The following CUX1 variants were observed in gnomAD, a reference collection of about 807,000 sequenced individuals.
CUX1 encodes the protein cut like homeobox 1, also known as protein CASP.
CUX1 carries 31 observed loss-of-function variants against 158.8 expected under a neutral mutation model. The ratio of observed to expected loss-of-function variants is 0.20; its 90% CI spans 0.15 to 0.26. The LOEUF (loss-of-function observed/expected upper bound fraction) is 0.26, where lower values mean the gene tolerates loss of function less well. Ranked by LOEUF, CUX1 falls within the 10% of genes least tolerant of loss-of-function variation. The probability of loss-of-function intolerance (pLI) is 1.00; values close to 1 mark genes in which losing one functional copy is unlikely to be tolerated. For synonymous variants in CUX1, 879 were observed against 862.1 expected (o/e 1.02, Z -0.34); for missense variants, 1,589 against 2,014.6 (o/e 0.79, Z 4.04).
intron 8 of CUX1, among the ~76,000 whole-genome samples, chr7:102,149,194 C>T (rs996146248): frequency 3.3e-5 from 5 of 152,192 alleles, no homozygotes; most frequent in African/African-American, 4.8e-5. Context: ...TCTAGACAGC[C>T]GTACCTCTCT....
chr7:101,834,769 C>T (rs1584700101), intron 1 of CUX1, among the ~76,000 whole-genome samples: 3 of 151,990 alleles, frequency 2.0e-5, no homozygotes, highest in South Asian at 2.1e-4. Context: ...GATGCTGAAG[C>T]GGGCAGACCA....
intron 2 of CUX1, among the ~76,000 whole-genome samples, chr7:101,996,508 G>A (rs891595849): frequency 1.3e-5 from 2 of 152,054 alleles, no homozygotes. Flanking sequence ...AGGGGGCCCC[G>A]AGCAGACCTG....
At chr7:101,914,807 A>ATT (rs1803987522) in intron 1 of CUX1, among the ~76,000 whole-genome samples, 1 of 152,008 alleles carries the variant, frequency 6.6e-6, no homozygotes, top group Non-Finnish European at 1.5e-5. Context: ...CCTGTCCATG[A>ATT]TTTGTAAGTT....
intron 3 of CUX1, among the ~76,000 whole-genome samples, chr7:102,046,751 AT>A (rs1181285205): frequency 8.2e-5 from 12 of 146,760 alleles, no homozygotes; most frequent in Non-Finnish European, 7.5e-5. Flanking sequence ...TAATTTTTGC[AT>A]TTTTTTTTTG....
chr7:101,989,478 A>C (rs1814810465), intron 2 of CUX1, among the ~76,000 whole-genome samples: 2 of 152,162 alleles, frequency 1.3e-5, no homozygotes, highest in African/African-American at 4.8e-5. Flanking sequence ...GTAAGCCCCC[A>C]TGGAAGGTCC....
intron 1 of CUX1, among the ~76,000 whole-genome samples, chr7:101,878,517 G>A (rs571915783): frequency 1.4e-4 from 22 of 152,268 alleles, no homozygotes; most frequent in African/African-American, 4.6e-4. Context: ...CAATTACTGC[G>A]TCGCTGCTGG....
chr7:102,189,717 C>T, intron 11 of CUX1, 96 bp from the exon 12 acceptor site: 2 of 1,345,608 alleles, frequency 1.5e-6, no homozygotes, highest in South Asian at 1.2e-5. Context: ...CTTCCCCTCT[C>T]AGGCACAGCT....
intron 2 of CUX1, among the ~76,000 whole-genome samples, chr7:101,974,575 C>A (rs1197763505): frequency 1.3e-5 from 2 of 152,094 alleles, no homozygotes; most frequent in East Asian, 3.9e-4. Flanking sequence ...GGATCTAATT[C>A]TATAATCTAA....
intron 2 of CUX1, among the ~76,000 whole-genome samples, chr7:102,000,603 T>C (rs1258700620): frequency 6.6e-6 from 1 of 152,242 alleles, no homozygotes; most frequent in Non-Finnish European, 1.5e-5. Context: ...CGTGGGCACG[T>C]TGAAGCTGCA....
intron 11 of CUX1, 28 bp from the exon 12 acceptor site, chr7:102,189,785 C>T: frequency 6.2e-7 from 1 of 1,613,362 alleles, no homozygotes; most frequent in Non-Finnish European, 8.5e-7. Flanking sequence ...CAGGCATGGC[C>T]ACTGATCAAA....
rs149930146 is a variant in CUX1 at position 101,821,369 on chromosome 7, C to T, written c.30+3700C>T. On this transcript the variant is annotated intron_variant, in intron 1 of 23. Transcript: ENST00000292535. ...TTTTTTTTTTTTTGAGACAGAGTCT[C>T]GCTCTTTCGCCCAGGCCGGAGTGCA... is the stretch of plus-strand genomic sequence containing the variant. Among the ~76,000 whole-genome samples the T allele has an allele frequency of 4.0e-4, 60 of 149,224 alleles. No individual in the cohort carries two copies. In the East Asian group the frequency reaches 9.1e-3, roughly 23 times the overall value.
At chr7:102,101,039 C>T (rs782628739) in intron 5 of CUX1, among the ~76,000 whole-genome samples, 17 of 152,110 alleles carry the variant, frequency 1.1e-4, no homozygotes, top group Admixed American at 3.3e-4. Context: ...GCATCCCAGA[C>T]GTCTTAACCA....
At position 102,253,917 on chromosome 7, in the gene CUX1, C is replaced by G; in HGVS notation, c.*4875C>G. On this transcript the variant is annotated 3_prime_UTR_variant, in exon 24 of 24. Coordinates refer to ENST00000292535, the MANE Select transcript of CUX1 (RefSeq NM_181552.4). Reference sequence around the variant, plus strand: ...GATGTCCTCCCTCTTCTTCACACTCCTCATTGTCCCTTCTACCTCACTAAC... The same window carrying G: ...GATGTCCTCCCTCTTCTTCACACTCGTCATTGTCCCTTCTACCTCACTAAC... The G allele has an allele frequency of 2.0e-6, 2 of 985,642 alleles. No individual in the cohort carries two copies. The highest frequency in any genetic ancestry group is 2.4e-6 in the Non-Finnish European group (2 of 830,120). 61.1% of individuals were successfully genotyped at this position (985,642 alleles called of 1,614,324 possible).
intron 2 of CUX1, among the ~76,000 whole-genome samples, chr7:101,934,963 G>C (rs143369753): frequency 4.6e-5 from 7 of 152,096 alleles, no homozygotes. Context: ...AAGGGTCCAC[G>C]TATAGGAGTG....
At chr7:102,151,556 G>GAAAATA (rs1352533112) in intron 8 of CUX1, among the ~76,000 whole-genome samples, 1 of 151,266 alleles carries the variant, frequency 6.6e-6, no homozygotes, top group East Asian at 1.9e-4. Flanking sequence ...CTCCATCTCA[G>GAAAATA]AAAATAAAAA....
At chr7:102,200,438 G>T (rs1383649040) in intron 17 of CUX1, among the ~76,000 whole-genome samples, 1 of 152,038 alleles carries the variant, frequency 6.6e-6, no homozygotes, top group Non-Finnish European at 1.5e-5. Context: ...TGCCTCCCGG[G>T]TTTAAGCGAT....
At chr7:101,994,926 CAAAAAAA>C (rs796784920) in intron 2 of CUX1, among the ~76,000 whole-genome samples, 975 of 47,652 alleles carry the variant, frequency 0.02, 3 homozygotes, top group Non-Finnish European at 0.031. Context: ...CTCATCTCTA[CAAAAAAA>C]AAAAAAAAAA....
intron 1 of CUX1, among the ~76,000 whole-genome samples, chr7:101,838,943 T>C (rs1035521815): frequency 3.9e-5 from 6 of 152,224 alleles, no homozygotes; most frequent in Non-Finnish European, 5.9e-5. Context: ...GGAAAGTCCA[T>C]GATCCGGGTA....
chr7:102,217,468 C>T (rs1797349427), intron 20 of CUX1, among the ~76,000 whole-genome samples: 1 of 152,264 alleles, frequency 6.6e-6, no homozygotes, highest in Admixed American at 6.5e-5. Flanking sequence ...GCATTTCAGG[C>T]CAACACAGAA....
Sources: allele counts gnomAD v4.1 joint callset (sites outside exome capture counted in the v4.1 genomes callset), GRCh38; gene constraint gnomAD v4.1.1; transcripts MANE v1.5; gene names NCBI Gene and HGNC (gene_info 2026-07-23, HGNC 2026-07-21).